Variants in ZNF112 observed in about 807,000 individuals in gnomAD.
ZNF112 encodes the protein zinc finger protein 112.
A neutral mutation model predicts 77.7 loss-of-function variants in ZNF112; 37 were observed. The observed-to-expected ratio is 0.48, with a 90% confidence interval of 0.37 to 0.63. The LOEUF (loss-of-function observed/expected upper bound fraction) is 0.63, where lower values mean the gene tolerates loss of function less well. Ranked by LOEUF, ZNF112 falls within the 20% of genes least tolerant of loss-of-function variation. The pLI is 0.00. For synonymous variants in ZNF112, 333 were observed against 363.6 expected, an observed-to-expected ratio of 0.92 and a Z score of 0.96; for missense variants, 950 against 1,077.4, an observed-to-expected ratio of 0.88 and a Z score of 1.66.
upstream of ZNF112, among the ~76,000 whole-genome samples, chr19:44,360,440 G>A (rs913959700): frequency 1.3e-5 from 2 of 151,766 alleles, no homozygotes; most frequent in African/African-American, 4.8e-5. Flanking sequence ...AGGCAACTAA[G>A]CAATAGTAAA....
At position 44,326,767 on chromosome 19, in the gene ZNF112, C is replaced by A. The variant is rs1037011219; in HGVS notation, c.*666G>T. 6.6e-6 allele frequency: 1 copy of A among 152,260 alleles called. No individual in the cohort carries two copies. The highest frequency in any genetic ancestry group is 2.4e-5 in the African/African-American group (1 of 41,426). The allele number at this position is 152,260 out of a possible 1,614,324, so 9.4% of individuals were successfully genotyped here. On this transcript the variant is annotated 3_prime_UTR_variant, in exon 4 of 4. Transcript: ENST00000354340. The stretch of plus-strand genomic sequence containing the variant: ...GTGCACACATGGGTACATATACACA[C>A]ACACAAAGCTAAACTTCAGCAGATG...
rs749993459 is a variant in ZNF112 at position 44,328,267 on chromosome 19, T to C, written c.1890A>G (p.Pro630=). Residue 630 remains proline (P), a synonymous_variant, in exon 4 of 4, where the codon CCA becomes CCG. Coordinates refer to ENST00000354340, the MANE Select transcript of ZNF112 (RefSeq NM_013380.4). The part of the protein sequence containing the change: ...GHQRVHTGEK[P]FKCEECGKGF... ...CCTTCCCACATTCCTCACATTTGAA[T>C]GGTTTTTCTCCAGTGTGGACTCTCT... 1 of 1,612,952 alleles carries C rather than the reference T, an allele frequency of 6.2e-7. No homozygotes were observed. The highest frequency in any genetic ancestry group is 8.5e-7 in the Non-Finnish European group (1 of 1,179,632).
rs941201776 is a variant in ZNF112 at position 44,329,015 on chromosome 19, TG to T, written c.1141del (p.His381MetfsTer32). 1 of 1,613,966 alleles carries T rather than the reference TG, an allele frequency of 6.2e-7. No individual in the cohort carries two copies. The highest frequency in any genetic ancestry group is 8.5e-7 in the Non-Finnish European group (1 of 1,179,966). ...GACATTCTCATTTTCCTCATATTCA[TG>T]GGGTTCATCCCTAGTATGGACCCTA... ...IFRVHTRDEPHEYEENENVFN... is the reference protein window; with the variant it reads ...IFRVHTRDEPXEYEENENVFN... On this transcript the variant is annotated frameshift_variant, in exon 4 of 4. Coordinates refer to ENST00000354340, the MANE Select transcript of ZNF112 (RefSeq NM_013380.4). LOFTEE classifies it high-confidence loss of function.
intron 1 of ZNF112, among the ~76,000 whole-genome samples, chr19:44,350,111 G>T (rs1017910076): frequency 4.6e-5 from 7 of 152,028 alleles, no homozygotes; most frequent in African/African-American, 1.7e-4. Flanking sequence ...AATTGATAGT[G>T]GTAAAAGATA....
At chr19:44,358,801 C>T (rs1970824559), upstream of ZNF112, among the ~76,000 whole-genome samples, 1 of 152,060 alleles carries the variant, frequency 6.6e-6, no homozygotes, top group Non-Finnish European at 1.5e-5. Context: ...TCTCCAAACC[C>T]ACCATTCTTC....
intron 1 of ZNF112, among the ~76,000 whole-genome samples, chr19:44,347,983 G>A (rs143661197): frequency 0.011 from 1,640 of 151,964 alleles, 25 homozygotes; most frequent in Non-Finnish European, 0.013. Context: ...ATTTTGTACT[G>A]ACAACTCCTT....
chr19:44,337,733 G>A (rs1599921228), intron 2 of ZNF112, among the ~76,000 whole-genome samples: 1 of 151,084 alleles, frequency 6.6e-6, no homozygotes, highest in Middle Eastern at 3.4e-3. Context: ...GTGAGAAATG[G>A]CATTTCAGTA....
intron 1 of ZNF112, among the ~76,000 whole-genome samples, chr19:44,347,559 T>A (rs925715951): frequency 2.0e-5 from 3 of 151,040 alleles, no homozygotes; most frequent in African/African-American, 7.3e-5. Context: ...CTTTTTTTTT[T>A]TTTCCAGTGG....
At chr19:44,350,924 T>C (rs1250675842) in intron 1 of ZNF112, among the ~76,000 whole-genome samples, 2 of 152,140 alleles carry the variant, frequency 1.3e-5, no homozygotes, top group African/African-American at 2.4e-5. Flanking sequence ...TTAGTTTCTA[T>C]TGCTGCTATA....
intron 1 of ZNF112, among the ~76,000 whole-genome samples, chr19:44,347,896 T>C (rs894099944): frequency 3.3e-5 from 5 of 152,132 alleles, no homozygotes; most frequent in African/African-American, 1.2e-4. Flanking sequence ...CCTAAAGAAC[T>C]TCCTTTAGTG....
intron 1 of ZNF112, chr19:44,343,399 A>C: frequency 1.0e-6 from 1 of 969,730 alleles, no homozygotes; most frequent in Non-Finnish European, 1.6e-6. Context: ...CCCCCAGCAG[A>C]TGTGGCCACA....
chr19:44,365,241 C>T (rs1323394809), intron 1 of ZNF112, among the ~76,000 whole-genome samples: 1 of 151,820 alleles, frequency 6.6e-6, no homozygotes, highest in African/African-American at 2.4e-5. Context: ...AGCACTTGAG[C>T]CCAGGAGTTC....
chr19:44,340,633 C>T, intron 1 of ZNF112, 91 bp from the exon 2 acceptor site: 2 of 1,570,644 alleles, frequency 1.3e-6, no homozygotes, highest in South Asian at 1.1e-5. Context: ...GGAGTCTGGG[C>T]AACTTGAGTC....
chr19:44,347,485 A>ACTTTTTTTTTTTTTTTTTTT (rs1555804139), intron 1 of ZNF112, among the ~76,000 whole-genome samples: 15 of 40,316 alleles, frequency 3.7e-4, no homozygotes, highest in African/African-American at 1.0e-3. Context: ...TTTTGGGTTG[A>ACTTTTTTTTTTTTTTTTTTT]TTTTTTTTTT....
chr19:44,339,520 G>A (rs1444281737), intron 2 of ZNF112, among the ~76,000 whole-genome samples: 1 of 152,228 alleles, frequency 6.6e-6, no homozygotes, highest in Non-Finnish European at 1.5e-5. Flanking sequence ...TGCTCCTTAC[G>A]TATTGTCATA....
chr19:44,359,331 T>C (rs1970831295), upstream of ZNF112, among the ~76,000 whole-genome samples: 1 of 135,154 alleles, frequency 7.4e-6, no homozygotes, highest in African/African-American at 2.8e-5. Flanking sequence ...TTTTTTTTTT[T>C]TTTTTTTTTT....
intron 2 of ZNF112, among the ~76,000 whole-genome samples, chr19:44,337,976 T>TTAAA (rs1351998700): frequency 9.6e-6 from 1 of 104,536 alleles, no homozygotes; most frequent in East Asian, 2.8e-4. Flanking sequence ...ATTCCCCAGT[T>TTAAA]AAAAAAAAAA....
At chr19:44,350,973 T>A (rs1200063394) in intron 1 of ZNF112, among the ~76,000 whole-genome samples, 1 of 152,110 alleles carries the variant, frequency 6.6e-6, no homozygotes, top group Non-Finnish European at 1.5e-5. Flanking sequence ...AATAATGCAA[T>A]TTATTCTTTA....
At chr19:44,336,864 A>C (rs1599919813) in intron 2 of ZNF112, 146 bp from the exon 3 acceptor site, 1 of 581,764 alleles carries the variant, frequency 1.7e-6, no homozygotes, top group South Asian at 2.5e-5. Flanking sequence ...TAAGAAACTA[A>C]CTTCATGATT....
Sources: allele counts gnomAD v4.1 joint callset (sites outside exome capture counted in the v4.1 genomes callset), GRCh38; gene constraint gnomAD v4.1.1; transcripts MANE v1.5; gene names NCBI Gene and HGNC (gene_info 2026-07-23, HGNC 2026-07-21).